PLD5: variants seen among roughly 807,000 people sequenced by gnomAD.
PLD5 encodes the protein inactive phospholipase D5.
PLD5 carries 36 observed loss-of-function variants against 61.1 expected under a neutral mutation model. The ratio of observed to expected loss-of-function variants is 0.59; its 90% CI spans 0.45 to 0.78. PLD5 has a LOEUF of 0.78. Among genes scored for constraint, PLD5 ranks in the 30% least tolerant of loss-of-function variants. The pLI is 0.00. For missense variants in PLD5, 515 were observed against 644.4 expected (o/e 0.80, Z 2.17); for synonymous variants, 243 against 242.8 (o/e 1.00, Z -0.01).
At chr1:242,160,779 G>A (rs1324407136) in intron 5 of PLD5, among the ~76,000 whole-genome samples, 2 of 152,024 alleles carry the variant, frequency 1.3e-5, no homozygotes, top group African/African-American at 4.8e-5. Flanking sequence ...CAGCTACTCT[G>A]GAGGCTGAGG....
At chr1:242,506,505 G>A (rs2102995818) in intron 1 of PLD5, among the ~76,000 whole-genome samples, 1 of 152,016 alleles carries the variant, frequency 6.6e-6, no homozygotes, top group Non-Finnish European at 1.5e-5. Flanking sequence ...GAGCTTCCTA[G>A]GAAAAAAAAT....
chr1:242,347,646 C>T (rs1241904332), intron 2 of PLD5, among the ~76,000 whole-genome samples: 1 of 152,226 alleles, frequency 6.6e-6, no homozygotes. Context: ...TAAACTGGGA[C>T]AGGTCGAGGA....
intron 6 of PLD5, among the ~76,000 whole-genome samples, chr1:242,122,699 G>A (rs1459688433): frequency 6.6e-6 from 1 of 152,132 alleles, no homozygotes; most frequent in Non-Finnish European, 1.5e-5. Flanking sequence ...ATACAAAAAT[G>A]TTATTTTACC....
the PLD5 span, among the ~76,000 whole-genome samples, chr1:242,530,488 A>C: frequency 2.0e-5 from 3 of 152,182 alleles, no homozygotes; most frequent in Admixed American, 1.3e-4. Flanking sequence ...AATTCTCCTG[A>C]CTCAGTGTAG....
At chr1:242,319,423 G>A (rs987127962) in intron 2 of PLD5, among the ~76,000 whole-genome samples, 1 of 151,214 alleles carries the variant, frequency 6.6e-6, no homozygotes, top group South Asian at 2.1e-4. Context: ...ACAAATGATT[G>A]TGTGTGTATA....
intron 1 of PLD5, among the ~76,000 whole-genome samples, chr1:242,462,704 T>C (rs1202077324): frequency 6.6e-6 from 1 of 152,096 alleles, no homozygotes; most frequent in Non-Finnish European, 1.5e-5. Context: ...TTTTCTCCCT[T>C]AGACCTTGTG....
At chr1:242,437,026 G>A (rs556733718) in intron 1 of PLD5, among the ~76,000 whole-genome samples, 3 of 152,260 alleles carry the variant, frequency 2.0e-5, no homozygotes, top group Middle Eastern at 3.4e-3. Context: ...CAGGAGTCCT[G>A]AAAGTTGAAC....
chr1:242,391,514 G>T (rs948332466), intron 1 of PLD5, among the ~76,000 whole-genome samples: 1 of 152,058 alleles, frequency 6.6e-6, no homozygotes, highest in Non-Finnish European at 1.5e-5. Context: ...TAGGAGGAGA[G>T]GGAGACATCA....
chr1:242,319,342 G>A lies in PLD5; in HGVS notation c.326+28764C>T, dbSNP rs187174113. Among the ~76,000 whole-genome samples, 62 of 150,942 alleles carry A rather than the reference G, an allele frequency of 4.1e-4. 2 individuals carry two copies. The East Asian group carries it at 0.012, about 29-fold the overall frequency. On this transcript the variant is annotated intron_variant, in intron 2 of 9. Transcript: ENST00000536534. ...GACCTCCAGACTGATTATTTGGAAA[G>A]ATTATATATAGTCCCTATAAATAAA...
chr1:242,528,832 C>A (rs540663421), upstream of PLD5, among the ~76,000 whole-genome samples: 1 of 152,246 alleles, frequency 6.6e-6, no homozygotes, highest in Non-Finnish European at 1.5e-5. Context: ...ATAAAAAAAT[C>A]TCAAATATAT....
At chr1:242,478,438 G>A (rs1402088283) in intron 1 of PLD5, among the ~76,000 whole-genome samples, 1 of 152,170 alleles carries the variant, frequency 6.6e-6, no homozygotes, top group Non-Finnish European at 1.5e-5. Flanking sequence ...AGGTGACTGA[G>A]ACCCTGGTCC....
At chr1:242,267,622 G>T (rs150264215) in intron 3 of PLD5, among the ~76,000 whole-genome samples, 30 of 151,798 alleles carry the variant, frequency 2.0e-4, no homozygotes, top group Non-Finnish European at 4.1e-4. Flanking sequence ...GCTTATCCTT[G>T]TAATCCCAGT....
chr1:242,355,726 A>G (rs1388060535), intron 1 of PLD5, among the ~76,000 whole-genome samples: 1 of 152,030 alleles, frequency 6.6e-6, no homozygotes, highest in African/African-American at 2.4e-5. Context: ...TGATATAGGC[A>G]CTTATTGCTA....
intron 4 of PLD5, among the ~76,000 whole-genome samples, chr1:242,242,248 C>T (rs1027357761): frequency 3.9e-5 from 6 of 151,972 alleles, no homozygotes; most frequent in African/African-American, 1.2e-4. Context: ...TAATCTGAGT[C>T]TGTCTCATTT....
At chr1:242,241,526 A>G (rs1240350506) in intron 4 of PLD5, among the ~76,000 whole-genome samples, 1 of 151,616 alleles carries the variant, frequency 6.6e-6, no homozygotes, top group East Asian at 1.9e-4. Flanking sequence ...ACTCGACAGC[A>G]TGGTTAGTAG....
intron 1 of PLD5, among the ~76,000 whole-genome samples, chr1:242,486,511 A>G (rs1247435935): frequency 6.6e-6 from 1 of 152,248 alleles, no homozygotes; most frequent in Non-Finnish European, 1.5e-5. Flanking sequence ...CCACAATGAG[A>G]TACCATCTCA....
chr1:242,193,716 T>C (rs1668426878), intron 5 of PLD5, among the ~76,000 whole-genome samples: 1 of 152,226 alleles, frequency 6.6e-6, no homozygotes, highest in African/African-American at 2.4e-5. Context: ...TTTAGCCACA[T>C]CTTAGCACAT....
intron 5 of PLD5, among the ~76,000 whole-genome samples, chr1:242,159,592 C>T (rs316842): frequency 0.84 from 127,962 of 152,072 alleles, 54,335 homozygotes; most frequent in African/African-American, 0.95. Context: ...TCCGTGATCC[C>T]GCCCCAGACC....
intron 1 of PLD5, among the ~76,000 whole-genome samples, chr1:242,494,880 G>GTT (rs575152311): frequency 7.3e-6 from 1 of 137,218 alleles, no homozygotes; most frequent in Non-Finnish European, 1.6e-5. Context: ...TTTCTTTTCT[G>GTT]TTTTTTTTTT....
Sources: allele counts gnomAD v4.1 joint callset (sites outside exome capture counted in the v4.1 genomes callset), GRCh38; gene constraint gnomAD v4.1.1; transcripts MANE v1.5; gene names NCBI Gene and HGNC (gene_info 2026-07-23, HGNC 2026-07-21).